Variants in CNOT6L observed in about 807,000 individuals in gnomAD.
CNOT6L encodes CCR4-NOT transcription complex subunit 6-like.
In CNOT6L, 7 loss-of-function variants were observed where a neutral mutation model predicts 64.0. The ratio of observed to expected loss-of-function variants is 0.11; its 90% CI spans 0.06 to 0.21. The LOEUF (loss-of-function observed/expected upper bound fraction) is 0.21. Ranked by LOEUF, CNOT6L falls within the 10% of genes least tolerant of loss-of-function variation. CNOT6L has a pLI of 1.00. For missense variants in CNOT6L, 245 were observed against 669.0 expected (o/e 0.37, Z 6.99); for synonymous variants, 193 against 243.4 (o/e 0.79, Z 1.93).
At chr4:77,810,430 T>G (rs891337339) in intron 1 of CNOT6L, among the ~76,000 whole-genome samples, 10 of 152,188 alleles carry the variant, frequency 6.6e-5, no homozygotes, top group African/African-American at 2.4e-4. Flanking sequence ...AGCTGACAGC[T>G]AGATTCAAAG....
rs750935784 is a variant in CNOT6L at position 77,742,115 on chromosome 4, C to A, written c.872+26G>T. On this transcript the variant is annotated intron_variant, in intron 8 of 11. Coordinates refer to ENST00000504123, the MANE Select transcript of CNOT6L (RefSeq NM_144571.3). The stretch of plus-strand genomic sequence containing the variant: ...AGCATTTAAATAAATAAAAGTACAC[C>A]ATTGTGCTTTGTTTCCTTAACTTAC... 6 of 1,596,638 alleles carry A rather than the reference C, an allele frequency of 3.8e-6. No individual in the cohort carries two copies. The East Asian group carries it at 9.0e-5, about 24-fold the overall frequency.
chr4:77,744,939 A>T, intron 6 of CNOT6L, 64 bp from the exon 7 acceptor site: 1 of 1,394,920 alleles, frequency 7.2e-7, no homozygotes, highest in Non-Finnish European at 9.8e-7. Flanking sequence ...TTCTAAAGCA[A>T]TATCATGTGT....
intron 1 of CNOT6L, among the ~76,000 whole-genome samples, chr4:77,801,645 T>A (rs949768551): frequency 7.6e-5 from 10 of 132,436 alleles, no homozygotes; most frequent in Admixed American, 1.7e-4. Flanking sequence ...TCTTAACAAA[T>A]TTTAAAACCT....
At chr4:77,741,112 C>G (rs1723537932) in intron 8 of CNOT6L, among the ~76,000 whole-genome samples, 1 of 152,074 alleles carries the variant, frequency 6.6e-6, no homozygotes, top group Non-Finnish European at 1.5e-5. Context: ...ATTACCAAAC[C>G]ATTAGAAGAA....
At chr4:77,738,391 C>T (rs1433443643) in intron 8 of CNOT6L, among the ~76,000 whole-genome samples, 1 of 152,042 alleles carries the variant, frequency 6.6e-6, no homozygotes, top group African/African-American at 2.4e-5. Context: ...CTCCAAGACC[C>T]AATTCTACTT....
intron 11 of CNOT6L, among the ~76,000 whole-genome samples, chr4:77,725,895 G>T (rs1341166554): frequency 1.3e-5 from 2 of 152,040 alleles, no homozygotes; most frequent in Non-Finnish European, 2.9e-5. Context: ...AAAGTGCTTT[G>T]ACCAGTGCCT....
intron 1 of CNOT6L, chr4:77,819,051 CA>C (rs1733962461): frequency 1.7e-6 from 1 of 601,816 alleles, no homozygotes; most frequent in Non-Finnish European, 2.9e-6. Context: ...CCACCCCCGA[CA>C]CACACACACA....
At chr4:77,814,759 T>C (rs958242512) in intron 1 of CNOT6L, among the ~76,000 whole-genome samples, 7 of 152,134 alleles carry the variant, frequency 4.6e-5, no homozygotes, top group Non-Finnish European at 8.8e-5. Flanking sequence ...ACCAAACTCT[T>C]AGAATAAAAA....
chr4:77,746,964 T>C (rs1724261373), intron 6 of CNOT6L, among the ~76,000 whole-genome samples: 1 of 151,928 alleles, frequency 6.6e-6, no homozygotes. Context: ...ATGTACTGCA[T>C]ATTATAATAT....
intron 10 of CNOT6L, among the ~76,000 whole-genome samples, chr4:77,727,062 T>C (rs572840990): frequency 1.3e-5 from 2 of 152,306 alleles, no homozygotes; most frequent in East Asian, 3.9e-4. Flanking sequence ...TAGTGCACTG[T>C]TAGAGTCATC....
At chr4:77,794,150 CAAAAAA>C (rs10649868) in intron 1 of CNOT6L, among the ~76,000 whole-genome samples, 3 of 52,026 alleles carry the variant, frequency 5.8e-5, no homozygotes, top group African/African-American at 1.0e-4. Context: ...GACTCTGTCT[CAAAAAA>C]AAAAAAAAAA....
intron 4 of CNOT6L, among the ~76,000 whole-genome samples, chr4:77,771,919 C>T (rs1727598896): frequency 1.3e-5 from 2 of 152,158 alleles, no homozygotes; most frequent in African/African-American, 4.8e-5. Context: ...TTAACTAATA[C>T]AGAACATTTG....
chr4:77,754,270 A>G (rs1388858735), intron 5 of CNOT6L, among the ~76,000 whole-genome samples: 1 of 152,212 alleles, frequency 6.6e-6, no homozygotes, highest in Non-Finnish European at 1.5e-5. Context: ...ACAAAACTCA[A>G]TTGTATTCCA....
chr4:77,792,661 G>A (rs958839648), intron 1 of CNOT6L, among the ~76,000 whole-genome samples: 1 of 151,210 alleles, frequency 6.6e-6, no homozygotes, highest in Admixed American at 6.6e-5. Flanking sequence ...AGGAGGCAGA[G>A]GTTGCAGTAA....
At chr4:77,779,074 CA>C (rs1171034741) in intron 1 of CNOT6L, among the ~76,000 whole-genome samples, 2 of 74,144 alleles carry the variant, frequency 2.7e-5, no homozygotes, top group Admixed American at 1.8e-4. Context: ...AAAAAAAAAA[CA>C]CAAAAAACAC....
rs1422544585 is a variant in CNOT6L, at chr4:77,779,072, AAC to A, written c.6-2682_6-2681del. ...AAAAAAAAAAAAAAAACAAAAAAAA[AAC>A]ACAAAAAACACACAGGCATAGGATT... On this transcript the variant is annotated intron_variant, in intron 1 of 11. Coordinates refer to ENST00000504123, the MANE Select transcript of CNOT6L (RefSeq NM_144571.3). Among the ~76,000 whole-genome samples, 103 of 107,482 alleles carry A rather than the reference AAC, an allele frequency of 9.6e-4. 8 individuals are homozygous for A. The highest frequency in any genetic ancestry group is 1.6e-3 in the African/African-American group (49 of 30,794). The allele number at this position is 107,482 out of a possible 152,430, so 70.5% of individuals were successfully genotyped here.
At chr4:77,731,308 A>C in intron 9 of CNOT6L, 79 bp downstream of exon 9, 2 of 1,415,906 alleles carry the variant, frequency 1.4e-6, no homozygotes, top group Non-Finnish European at 1.9e-6. Context: ...ATAACGGCAA[A>C]ATTCTCTTCA....
chr4:77,726,469 T>C, intron 10 of CNOT6L, 100 bp from the exon 11 acceptor site: 1 of 923,608 alleles, frequency 1.1e-6, no homozygotes, highest in South Asian at 1.8e-5. Flanking sequence ...AGGCTCAGAG[T>C]GGTCTTCTTA....
intron 8 of CNOT6L, among the ~76,000 whole-genome samples, chr4:77,741,594 A>G (rs1039452034): frequency 1.3e-5 from 2 of 152,134 alleles, no homozygotes; most frequent in African/African-American, 4.8e-5. Flanking sequence ...TGATATTGCA[A>G]TTGTCTTATA....
Sources: allele counts gnomAD v4.1 joint callset (sites outside exome capture counted in the v4.1 genomes callset), GRCh38; gene constraint gnomAD v4.1.1; transcripts MANE v1.5; gene names NCBI Gene and HGNC (gene_info 2026-07-23, HGNC 2026-07-21).